The following ITPR1 variants were observed in gnomAD, a reference collection of about 807,000 sequenced individuals.
ITPR1 encodes the protein inositol 1,4,5-trisphosphate-gated calcium channel ITPR1.
In ITPR1, 96 loss-of-function variants were observed where a neutral mutation model predicts 318.4. The ratio of observed to expected loss-of-function variants is 0.30; its 90% CI spans 0.26 to 0.36. The LOEUF (loss-of-function observed/expected upper bound fraction) is 0.36, where lower values mean the gene tolerates loss of function less well. Among genes scored for constraint, ITPR1 ranks in the 10% least tolerant of loss-of-function variants. The pLI, the probability that ITPR1 is intolerant of heterozygous loss-of-function variation, is 1.00. For synonymous variants in ITPR1, 1,312 were observed against 1,289.9 expected, an observed-to-expected ratio of 1.02 and a Z score of -0.37; for missense variants, 2,440 against 3,460.2, an observed-to-expected ratio of 0.71 and a Z score of 7.40.
At chr3:4,513,109 G>A (rs899648434) in intron 2 of ITPR1, among the ~76,000 whole-genome samples, 1 of 152,104 alleles carries the variant, frequency 6.6e-6, no homozygotes, top group Admixed American at 6.5e-5. Flanking sequence ...AATGGTCCAC[G>A]ATCAGATAAA....
chr3:4,656,303 A>G lies in ITPR1; in HGVS notation c.997-1821A>G, dbSNP rs1319116632. On this transcript the variant is annotated intron_variant, in intron 12 of 61. Coordinates refer to ENST00000649015, the MANE Select transcript of ITPR1 (RefSeq NM_001378452.1). Reference sequence around the variant, plus strand: ...CTCTGAAACTTAACTGCCAGCCTGTAGCTGAGTCCTGTGTCTCAAACCATA... The same window carrying G: ...CTCTGAAACTTAACTGCCAGCCTGTGGCTGAGTCCTGTGTCTCAAACCATA... Among the ~76,000 whole-genome samples the G allele has an allele frequency of 2.6e-5, 4 of 152,340 alleles. No homozygotes were observed. The East Asian group carries it at 7.7e-4, about 29-fold the overall frequency.
intron 34 of ITPR1, 107 bp from the exon 35 acceptor site, chr3:4,699,706 C>T: frequency 9.8e-7 from 1 of 1,024,278 alleles, no homozygotes; most frequent in Admixed American, 2.1e-5. Context: ...GGCCAGCAGG[C>T]CTTTACCTTT....
chr3:4,687,173 A>G (rs1278354633), intron 30 of ITPR1, among the ~76,000 whole-genome samples: 1 of 152,234 alleles, frequency 6.6e-6, no homozygotes, highest in African/African-American at 2.4e-5. Flanking sequence ...TACATTTTAA[A>G]ATAGTCACAT....
At chr3:4,528,951 G>A (rs1479458022) in intron 4 of ITPR1, among the ~76,000 whole-genome samples, 1 of 152,070 alleles carries the variant, frequency 6.6e-6, no homozygotes, top group African/African-American at 2.4e-5. Context: ...CAATTCCCTG[G>A]GCAACATAGA....
intron 44 of ITPR1, among the ~76,000 whole-genome samples, chr3:4,744,212 G>A (rs945654927): frequency 5.3e-5 from 8 of 152,224 alleles, no homozygotes; most frequent in East Asian, 1.9e-4. Flanking sequence ...TACTAAAAGT[G>A]CAGAGAAAAA....
At chr3:4,620,350 C>T (rs779106044) in intron 4 of ITPR1, among the ~76,000 whole-genome samples, 2 of 152,200 alleles carry the variant, frequency 1.3e-5, no homozygotes, top group Non-Finnish European at 2.9e-5. Flanking sequence ...TGAGAAGGAA[C>T]AGATGTCTGG....
intron 39 of ITPR1, 87 bp from the exon 40 acceptor site, chr3:4,717,280 A>G (rs2041839925): frequency 8.8e-7 from 1 of 1,133,442 alleles, no homozygotes; most frequent in Non-Finnish European, 1.3e-6. Flanking sequence ...AAACGTCAGC[A>G]ATAAGAGTAA....
chr3:4,615,373 C>CTTTCT (rs1453262508), intron 4 of ITPR1, among the ~76,000 whole-genome samples: 166 of 122,832 alleles, frequency 1.4e-3, no homozygotes, highest in Middle Eastern at 4.0e-3. Context: ...TGATTTCTTT[C>CTTTCT]TTTTTTTTTT....
intron 2 of ITPR1, among the ~76,000 whole-genome samples, chr3:4,515,964 G>T (rs935875406): frequency 2.0e-5 from 3 of 152,216 alleles, no homozygotes; most frequent in Non-Finnish European, 4.4e-5. Context: ...TTTATTGGCA[G>T]GTTTCTTTTT....
rs535124261 is a variant in ITPR1, at chr3:4,734,767, T to C, written c.5354-397T>C. Among the ~76,000 whole-genome samples, 204 of 152,370 alleles carry C rather than the reference T, an allele frequency of 1.3e-3. 1 individual carries two copies. The highest frequency in any genetic ancestry group is 4.7e-3 in the African/African-American group (194 of 41,590). ...AAAAGGAGAGCTAAAGTGATCATTA[T>C]AGGCTGAGCTTCCTTGAGAGTGTTC... On this transcript the variant is annotated intron_variant, in intron 43 of 61. Transcript: ENST00000649015.
At chr3:4,618,734 G>T (rs1463387785) in intron 4 of ITPR1, among the ~76,000 whole-genome samples, 1 of 152,162 alleles carries the variant, frequency 6.6e-6, no homozygotes, top group Non-Finnish European at 1.5e-5. Flanking sequence ...TATCCCTGGA[G>T]CACTTTGCCT....
At chr3:4,642,389 A>G in intron 7 of ITPR1, 138 bp downstream of exon 7, 1 of 553,438 alleles carries the variant, frequency 1.8e-6, no homozygotes. Flanking sequence ...TGCTATGGAA[A>G]CTAGTGTTTG....
chr3:4,735,444 C>G (rs1193977088), intron 44 of ITPR1, 90 bp downstream of exon 44: 4 of 1,132,056 alleles, frequency 3.5e-6, no homozygotes, highest in Non-Finnish European at 5.3e-6. Flanking sequence ...TGGTACCAAG[C>G]CTTGTTTGAG....
At chr3:4,554,396 A>T (rs576480228) in intron 4 of ITPR1, among the ~76,000 whole-genome samples, 6 of 152,212 alleles carry the variant, frequency 3.9e-5, no homozygotes, top group African/African-American at 1.4e-4. Context: ...TCCTTTAGGA[A>T]GATTAGTCTG....
intron 4 of ITPR1, among the ~76,000 whole-genome samples, chr3:4,564,835 C>T (rs1001483287): frequency 6.6e-6 from 1 of 152,090 alleles, no homozygotes; most frequent in Non-Finnish European, 1.5e-5. Context: ...GTTAGGACTT[C>T]AACACAGGAG....
At chr3:4,768,976 C>A (rs1385585546) in intron 46 of ITPR1, among the ~76,000 whole-genome samples, 1 of 151,220 alleles carries the variant, frequency 6.6e-6, no homozygotes, top group African/African-American at 2.4e-5. Context: ...GTGGCGTGAT[C>A]TTGGCTTACT....
At chr3:4,675,984 G>C (rs747916336) in intron 23 of ITPR1, among the ~76,000 whole-genome samples, 1 of 152,102 alleles carries the variant, frequency 6.6e-6, no homozygotes. Flanking sequence ...GCAGCATCAG[G>C]ATTTGTACCT....
chr3:4,815,628 C>T (rs562732999), intron 59 of ITPR1, among the ~76,000 whole-genome samples: 8 of 152,174 alleles, frequency 5.3e-5, no homozygotes, highest in Admixed American at 2.6e-4. Flanking sequence ...AAGTAGTGAA[C>T]GGCTACGTAA....
intron 23 of ITPR1, among the ~76,000 whole-genome samples, chr3:4,675,822 A>G (rs1194339942): frequency 6.6e-6 from 1 of 152,234 alleles, no homozygotes; most frequent in Non-Finnish European, 1.5e-5. Context: ...CAGCTAGAAC[A>G]GAAAGAAATA....
Sources: gnomAD v4.1 joint callset for allele counts (sites outside exome capture counted in the v4.1 genomes callset) on GRCh38, gnomAD v4.1.1 for gene constraint, MANE v1.5 for transcripts, NCBI Gene and HGNC (gene_info 2026-07-23, HGNC 2026-07-21) for gene names.